The following PTPRD variants were observed in gnomAD, a reference collection of about 807,000 sequenced individuals.
PTPRD encodes the protein receptor-type tyrosine-protein phosphatase delta.
Under a neutral mutation model 214.5 loss-of-function variants are expected in PTPRD, and 34 were observed. That is an observed-to-expected ratio of 0.16 (90% confidence interval 0.12 to 0.21). PTPRD has a LOEUF of 0.21. Among genes scored for constraint, PTPRD ranks in the 10% least tolerant of loss-of-function variants. The pLI is 1.00. For missense variants in PTPRD, 2,545 were observed against 2,398.7 expected (o/e 1.06, Z -1.27); for synonymous variants, 1,128 against 845.7 (o/e 1.33, Z -5.79).
chr9:8,625,274 T>C (rs577206212), intron 14 of PTPRD, among the ~76,000 whole-genome samples: 4 of 152,018 alleles, frequency 2.6e-5, no homozygotes, highest in African/African-American at 7.2e-5. Context: ...TAAATATTGA[T>C]AGTTAATAAC....
chr9:9,891,538 T>C (rs76663989), intron 5 of PTPRD, among the ~76,000 whole-genome samples: 2,322 of 152,192 alleles, frequency 0.015, 55 homozygotes, highest in African/African-American at 0.053. Flanking sequence ...ACAACACATA[T>C]GAGCTTATTT....
At chr9:9,304,026 A>G (rs1956315791) in intron 9 of PTPRD, among the ~76,000 whole-genome samples, 1 of 152,154 alleles carries the variant, frequency 6.6e-6, no homozygotes, top group Non-Finnish European at 1.5e-5. Context: ...AACCCTTTCC[A>G]ACTCTTTTAG....
chr9:9,716,231 AT>A (rs1335515349), intron 7 of PTPRD, among the ~76,000 whole-genome samples: 3 of 152,054 alleles, frequency 2.0e-5, no homozygotes, highest in Non-Finnish European at 4.4e-5. Context: ...TATGTGCCAC[AT>A]TTTTTTAATT....
At chr9:9,616,403 C>G (rs2094864432) in intron 7 of PTPRD, among the ~76,000 whole-genome samples, 1 of 152,052 alleles carries the variant, frequency 6.6e-6, no homozygotes, top group Non-Finnish European at 1.5e-5. Flanking sequence ...CTTATCGCAA[C>G]AAAAGTAAGC....
chr9:9,508,583 T>C (rs111600080), intron 8 of PTPRD, among the ~76,000 whole-genome samples: 286 of 151,650 alleles, frequency 1.9e-3, no homozygotes, highest in Non-Finnish European at 3.1e-3. Context: ...TTGATGAGTT[T>C]CCCTTGCTTT....
At chr9:9,055,627 G>C (rs2154397413) in intron 10 of PTPRD, among the ~76,000 whole-genome samples, 1 of 152,060 alleles carries the variant, frequency 6.6e-6, no homozygotes, top group South Asian at 2.1e-4. Flanking sequence ...TCAAAACGTA[G>C]TAAAAGTTGA....
At chr9:9,653,513 A>G (rs185284333) in intron 7 of PTPRD, among the ~76,000 whole-genome samples, 4 of 152,276 alleles carry the variant, frequency 2.6e-5, no homozygotes, top group African/African-American at 9.6e-5. Context: ...AAACTTGTCC[A>G]GAAGCATCAG....
At chr9:8,947,059 C>G (rs1429222475) in intron 11 of PTPRD, among the ~76,000 whole-genome samples, 1 of 124,626 alleles carries the variant, frequency 8.0e-6, no homozygotes, top group Non-Finnish European at 1.6e-5. Flanking sequence ...GTGTCTCGAT[C>G]TTCCTCCGGT....
chr9:9,765,656 C>A (rs1365801062), intron 6 of PTPRD, among the ~76,000 whole-genome samples: 1 of 152,018 alleles, frequency 6.6e-6, no homozygotes, highest in African/African-American at 2.4e-5. Context: ...TACGTAAATT[C>A]TTTTATTCGT....
intron 33 of PTPRD, among the ~76,000 whole-genome samples, chr9:8,454,770 T>C (rs931330951): frequency 2.0e-5 from 3 of 152,088 alleles, no homozygotes; most frequent in Non-Finnish European, 4.4e-5. Flanking sequence ...CCTCTGATTA[T>C]GAACTAAACA....
intron 3 of PTPRD, among the ~76,000 whole-genome samples, chr9:10,111,008 CAT>C (rs1415686380): frequency 6.6e-6 from 1 of 152,112 alleles, no homozygotes; most frequent in Admixed American, 6.5e-5. Flanking sequence ...GGATTCAACA[CAT>C]GAGAGAGTGC....
chr9:9,328,909 A>T (rs1411618134), intron 9 of PTPRD, among the ~76,000 whole-genome samples: 1 of 151,920 alleles, frequency 6.6e-6, no homozygotes. Flanking sequence ...AAGTAAAGGG[A>T]TTACAGGAGT....
intron 35 of PTPRD, among the ~76,000 whole-genome samples, chr9:8,421,543 C>A (rs72691079): frequency 0.099 from 15,101 of 151,974 alleles, 841 homozygotes; most frequent in East Asian, 0.14. Flanking sequence ...CCTTGCAATG[C>A]CATGGATTCA....
At chr9:8,320,373 T>C (rs1175959693) in intron 44 of PTPRD, among the ~76,000 whole-genome samples, 2 of 152,134 alleles carry the variant, frequency 1.3e-5, no homozygotes, top group Non-Finnish European at 2.9e-5. Context: ...TTTGGCATCT[T>C]CAACTTTTCT....
At position 9,919,476 on chromosome 9, in the gene PTPRD, G is replaced by A. The variant is rs963836326; in HGVS notation, c.-368+19031C>T. ...AACTCAGTTTCCCACCCTTTAGATG[G>A]CTGTGGAGTCCTGCATGTGCCGCAT... On this transcript the variant is annotated intron_variant, in intron 5 of 45. Coordinates refer to ENST00000381196, the MANE Select transcript of PTPRD (RefSeq NM_002839.4). Among the ~76,000 whole-genome samples the A allele has an allele frequency of 3.3e-5, 5 of 152,206 alleles. 1 individual carries two copies. The Middle Eastern group carries it at 0.01, about 311-fold the overall frequency.
At chr9:10,166,592 T>C (rs1273767586) in intron 3 of PTPRD, among the ~76,000 whole-genome samples, 1 of 152,010 alleles carries the variant, frequency 6.6e-6, no homozygotes, top group African/African-American at 2.4e-5. Flanking sequence ...TTTCTCAATT[T>C]ATTCATGTTC....
chr9:10,526,127 T>G (rs564941014), intron 2 of PTPRD, among the ~76,000 whole-genome samples: 2 of 152,182 alleles, frequency 1.3e-5, no homozygotes, highest in South Asian at 4.1e-4. Context: ...AACACTGTTC[T>G]AAGATATAAA....
chr9:9,960,534 C>A (rs1771800805), intron 4 of PTPRD, among the ~76,000 whole-genome samples: 1 of 152,006 alleles, frequency 6.6e-6, no homozygotes, highest in Non-Finnish European at 1.5e-5. Context: ...GTGATCAAGG[C>A]CAGTATCAAT....
In PTPRD at chr9:9,195,107, T is replaced by C. The variant is rs10977561; in HGVS notation, c.-202-11744A>G. 6.4e-3 allele frequency among the ~76,000 whole-genome samples: 908 copies of C among 141,150 alleles called. 2 individuals are homozygous for C. Among genetic ancestry groups the C allele is most frequent in the African/African-American group, 7.2e-3 (279 of 38,534 alleles). The allele number at this position is 141,150 out of a possible 152,430, so 92.6% of individuals were successfully genotyped here. On this transcript the variant is annotated intron_variant, in intron 9 of 45. Coordinates refer to ENST00000381196, the MANE Select transcript of PTPRD (RefSeq NM_002839.4). ...TTGTGTATATATATATATATATATA[T>C]ACACACACACACATATACATACATA...
Sources: gnomAD v4.1 joint callset for allele counts (sites outside exome capture counted in the v4.1 genomes callset) on GRCh38, gnomAD v4.1.1 for gene constraint, MANE v1.5 for transcripts, NCBI Gene and HGNC (gene_info 2026-07-23, HGNC 2026-07-21) for gene names.